PKP2: variants seen among roughly 807,000 people sequenced by gnomAD.
The protein encoded by PKP2 is plakophilin 2.
PKP2 carries 73 observed loss-of-function variants against 83.4 expected under a neutral mutation model. That is an observed-to-expected ratio of 0.88 (90% CI 0.72 to 1.06). The LOEUF (loss-of-function observed/expected upper bound fraction) is 1.06. Among genes scored for constraint, PKP2 ranks in the 50% least tolerant of loss-of-function variants. The probability of loss-of-function intolerance (pLI) is 0.00; values close to 1 mark genes in which losing one functional copy is unlikely to be tolerated. For synonymous variants in PKP2, 409 were observed against 430.4 expected, an observed-to-expected ratio of 0.95 and a Z score of 0.62; for missense variants, 966 against 1,065.4, an observed-to-expected ratio of 0.91 and a Z score of 1.30.
intron 9 of PKP2, among the ~76,000 whole-genome samples, chr12:32,806,806 C>T (rs75954902): frequency 6.6e-6 from 1 of 151,748 alleles, no homozygotes; most frequent in South Asian, 2.1e-4. Flanking sequence ...TAGGTTGATA[C>T]CTTGAGATCT....
In PKP2 at chr12:32,892,820, G is replaced by GC. The variant is rs202198793; in HGVS notation, c.223+3688_223+3689insG. ...CACTCAGATACCTGGGGTGGGGGCG[G>GC]GGGGGGGGGGAGAACTGTGTAGCAA... On this transcript the variant is annotated intron_variant, in intron 1 of 12. Coordinates refer to ENST00000340811, the MANE Select transcript of PKP2 (RefSeq NM_001005242.3). 3.3e-3 allele frequency among the ~76,000 whole-genome samples: 352 copies of GC among 107,760 alleles called. 31 individuals are homozygous for GC. Among genetic ancestry groups the GC allele is most frequent in the African/African-American group, 0.011 (332 of 30,626 alleles). 70.7% of individuals were successfully genotyped at this position (107,760 alleles called of 152,430 possible).
intron 4 of PKP2, among the ~76,000 whole-genome samples, chr12:32,859,952 G>A (rs1437390771): frequency 6.6e-6 from 1 of 152,056 alleles, no homozygotes; most frequent in Non-Finnish European, 1.5e-5. Context: ...ACAATTTTTG[G>A]GAGGACTTAT....
Position 32,796,207 on chromosome 12 carries a change from G to A in PKP2, c.2259C>T (p.Tyr753=). The change falls in exon 11 of 13, where the codon TAC becomes TAT. Residue 753 remains tyrosine (Y), a synonymous_variant. Coordinates refer to ENST00000340811, the MANE Select transcript of PKP2 (RefSeq NM_001005242.3). ...TGTTTTGGATTATGTTGTTCAATGT[G>A]TAACAGGCAGAGGCTGTAGTTTCAA... ...LLIETTASAC[Y]TLNNIIQNSY... is the part of the protein sequence containing the mutation. 1.2e-6 allele frequency: 2 copies of A among 1,613,624 alleles called. No homozygotes were observed. The highest frequency in any genetic ancestry group is 1.1e-5 in the South Asian group (1 of 91,060).
chr12:32,832,397 T>A (rs1004965969), intron 6 of PKP2, among the ~76,000 whole-genome samples: 6 of 151,602 alleles, frequency 4.0e-5, no homozygotes, highest in African/African-American at 9.7e-5. Flanking sequence ...AAAAAAAAAA[T>A]TTACAAAGTA....
chr12:32,858,064 CAAAAAAAAAAAA>C (rs777690496), intron 4 of PKP2, among the ~76,000 whole-genome samples: 2 of 27,400 alleles, frequency 7.3e-5, no homozygotes, highest in African/African-American at 2.6e-4. Flanking sequence ...CCCATCTCTA[CAAAAAAAAAAAA>C]AAAAAAAAAT....
intron 9 of PKP2, among the ~76,000 whole-genome samples, chr12:32,816,992 T>A (rs964662446): frequency 3.3e-5 from 5 of 152,170 alleles, no homozygotes; most frequent in Non-Finnish European, 7.4e-5. Flanking sequence ...GATTTAAACC[T>A]TTACCAGATA....
chr12:32,821,843 A>G (rs1350554951), intron 8 of PKP2: 1 of 351,112 alleles, frequency 2.8e-6, no homozygotes, highest in African/African-American at 2.1e-5. Context: ...AAGCTAAATT[A>G]GTCACAACCA....
rs545516280 is a variant in PKP2 at position 32,799,453 on chromosome 12, G to T, written c.2167+2950C>A. On this transcript the variant is annotated intron_variant, in intron 10 of 12. Transcript: ENST00000340811. ...TACTGGGTATCTACCCAAAGGAAAAGAAGTCATTATATGAAAAAGACACTT... is the reference window on the plus strand; with the variant it reads ...TACTGGGTATCTACCCAAAGGAAAATAAGTCATTATATGAAAAAGACACTT... 6.6e-5 allele frequency among the ~76,000 whole-genome samples: 10 copies of T among 152,232 alleles called. No individual in the cohort carries two copies. In the East Asian group the frequency reaches 1.5e-3, roughly 23 times the overall value.
chr12:32,825,763 C>G (rs10772009), intron 6 of PKP2, among the ~76,000 whole-genome samples: 150,668 of 152,210 alleles, frequency 0.99, 74,592 homozygotes, highest in Middle Eastern at 1. Context: ...AAATTAGCTA[C>G]GCATGGTGGC....
chr12:32,844,304 T>G (rs905825323), intron 5 of PKP2, among the ~76,000 whole-genome samples: 2 of 152,124 alleles, frequency 1.3e-5, no homozygotes, highest in Non-Finnish European at 2.9e-5. Flanking sequence ...TCACACAAAA[T>G]CAGTGAGTAA....
intron 5 of PKP2, among the ~76,000 whole-genome samples, chr12:32,846,660 G>A (rs531157622): frequency 1.2e-4 from 18 of 151,168 alleles, no homozygotes; most frequent in African/African-American, 3.9e-4. Flanking sequence ...CAGGAGAATC[G>A]CTTGAATCTG....
At chr12:32,804,689 T>C (rs926929093) in intron 9 of PKP2, among the ~76,000 whole-genome samples, 1 of 152,234 alleles carries the variant, frequency 6.6e-6, no homozygotes, top group Non-Finnish European at 1.5e-5. Context: ...ATTTTCTTTA[T>C]TCAATCTATC....
At chr12:32,893,582 G>A (rs565079530) in intron 1 of PKP2, 1 of 152,248 alleles carries the variant, frequency 6.6e-6, no homozygotes, top group Non-Finnish European at 1.5e-5. Context: ...GTTGTTTGCT[G>A]CCTTATCTCT....
chr12:32,854,555 T>A (rs1956728415), intron 4 of PKP2, among the ~76,000 whole-genome samples: 1 of 152,216 alleles, frequency 6.6e-6, no homozygotes, highest in South Asian at 2.1e-4. Context: ...TATGCTGCTA[T>A]TGTCCCTTAA....
intron 6 of PKP2, among the ~76,000 whole-genome samples, chr12:32,837,494 T>G (rs1457014978): frequency 3.3e-5 from 5 of 152,178 alleles, no homozygotes; most frequent in African/African-American, 4.8e-5. Context: ...GCTATTATTG[T>G]TATAAATTAG....
intron 1 of PKP2, chr12:32,893,911 C>CTTTTTTTTTTTTTTTTTTTT (rs138765604): frequency 1.2e-5 from 1 of 81,758 alleles, no homozygotes; most frequent in Non-Finnish European, 2.1e-5. Context: ...GAGTAACTTA[C>CTTTTTTTTTTTTTTTTTTTT]TTTTTTTTTT....
chr12:32,850,708 T>C, intron 5 of PKP2, 58 bp downstream of exon 5: 1 of 1,288,890 alleles, frequency 7.8e-7, no homozygotes, highest in Non-Finnish European at 1.1e-6. Context: ...AGAGATGATG[T>C]AAGGCATCTG....
chr12:32,860,258 A>T (rs1956786381), intron 4 of PKP2, among the ~76,000 whole-genome samples: 1 of 152,200 alleles, frequency 6.6e-6, no homozygotes, highest in Non-Finnish European at 1.5e-5. Context: ...CTGAACAGAA[A>T]CAGAACTCCT....
intron 6 of PKP2, among the ~76,000 whole-genome samples, chr12:32,831,519 C>T (rs1478513999): frequency 6.6e-6 from 1 of 151,968 alleles, no homozygotes; most frequent in African/African-American, 2.4e-5. Flanking sequence ...TTTTTCTGCC[C>T]AAGACTCAAC....
Sources: allele counts gnomAD v4.1 joint callset (sites outside exome capture counted in the v4.1 genomes callset), GRCh38; gene constraint gnomAD v4.1.1; transcripts MANE v1.5; gene names NCBI Gene and HGNC (gene_info 2026-07-23, HGNC 2026-07-21).